DLC1: variants seen among roughly 807,000 people sequenced by gnomAD.
DLC1 encodes rho GTPase-activating protein 7.
Under a neutral mutation model 140.3 loss-of-function variants are expected in DLC1, and 54 were observed. That is an observed-to-expected ratio of 0.38 (90% CI 0.31 to 0.48). The LOEUF (loss-of-function observed/expected upper bound fraction) is 0.48. Among genes scored for constraint, DLC1 ranks in the 20% least tolerant of loss-of-function variants. The pLI is 0.96. For synonymous variants in DLC1, 986 were observed against 728.1 expected (o/e 1.35, Z -5.70); for missense variants, 2,536 against 1,907.0 (o/e 1.33, Z -6.14).
At chr8:13,202,732 G>T (rs1014746141) in intron 5 of DLC1, among the ~76,000 whole-genome samples, 3 of 151,788 alleles carry the variant, frequency 2.0e-5, no homozygotes. Flanking sequence ...GGAGTGCAGG[G>T]GTGCTATTAC....
chr8:13,499,321 T>C lies in DLC1; in HGVS notation c.751A>G (p.Asn251Asp). 14 of 1,614,114 alleles carry C rather than the reference T, an allele frequency of 8.7e-6. No individual in the cohort carries two copies. The highest frequency in any genetic ancestry group is 1.2e-5 in the Non-Finnish European group (14 of 1,180,018). Residue 251 changes from asparagine (N) to aspartate (D), a missense_variant, in exon 2 of 18, where the codon AAT becomes GAT. Asn to Asp is a conservative substitution (Grantham distance 23). Transcript: ENST00000276297. Reference sequence around the variant, plus strand: ...TCCAAGAACTCATTTTGTACTACATTGCAGGTGCTTCTTTCATTTTCATCT... The same window carrying C: ...TCCAAGAACTCATTTTGTACTACATCGCAGGTGCTTCTTTCATTTTCATCT... The part of the protein sequence containing the change: ...PKDENERSTC[N>D]VVQNEFLDTP...
At chr8:13,267,762 G>T (rs1298529956) in intron 5 of DLC1, among the ~76,000 whole-genome samples, 1 of 151,148 alleles carries the variant, frequency 6.6e-6, no homozygotes, top group Non-Finnish European at 1.5e-5. Context: ...GTGTGTGTGT[G>T]TGTGTGTGTG....
chr8:13,413,034 C>T (rs991521339), intron 2 of DLC1, among the ~76,000 whole-genome samples: 1 of 151,832 alleles, frequency 6.6e-6, no homozygotes, highest in African/African-American at 2.4e-5. Flanking sequence ...AGCCCCCACT[C>T]AGCACTTTAG....
chr8:13,244,496 G>T (rs1004817170), intron 5 of DLC1, among the ~76,000 whole-genome samples: 3 of 151,866 alleles, frequency 2.0e-5, no homozygotes, highest in East Asian at 1.9e-4. Context: ...ATGGGGTCTT[G>T]TTATGTTGCA....
At chr8:13,452,602 A>G (rs1432997786) in intron 2 of DLC1, among the ~76,000 whole-genome samples, 1 of 152,136 alleles carries the variant, frequency 6.6e-6, no homozygotes, top group East Asian at 1.9e-4. Context: ...TTCTGACTTG[A>G]GCTCCTTCAG....
chr8:13,251,141 C>G (rs920647478), intron 5 of DLC1, among the ~76,000 whole-genome samples: 1 of 152,206 alleles, frequency 6.6e-6, no homozygotes, highest in Non-Finnish European at 1.5e-5. Context: ...CACTCTCCTA[C>G]TGGCTCTTTC....
chr8:13,249,559 T>G (rs1829914247), intron 5 of DLC1, among the ~76,000 whole-genome samples: 1 of 152,210 alleles, frequency 6.6e-6, no homozygotes, highest in Non-Finnish European at 1.5e-5. Flanking sequence ...CACTTGTGCC[T>G]TTCACACAGT....
chr8:13,266,627 C>T (rs1279148894), intron 5 of DLC1, among the ~76,000 whole-genome samples: 1 of 152,040 alleles, frequency 6.6e-6, no homozygotes, highest in Non-Finnish European at 1.5e-5. Flanking sequence ...TGCCTGTAGT[C>T]CCAGCTACTC....
At chr8:13,108,509 T>C (rs1819783753) in intron 7 of DLC1, among the ~76,000 whole-genome samples, 1 of 152,222 alleles carries the variant, frequency 6.6e-6, no homozygotes, top group Non-Finnish European at 1.5e-5. Flanking sequence ...TCAGAGCCAG[T>C]GTAAATTGCA....
intron 1 of DLC1, chr8:13,567,316 A>G: frequency 6.4e-7 from 1 of 1,551,738 alleles, no homozygotes; most frequent in East Asian, 2.4e-5. Flanking sequence ...CAAACTTCCA[A>G]CAGAAATCAC....
At chr8:13,183,119 C>G (rs946128244) in intron 5 of DLC1, among the ~76,000 whole-genome samples, 1 of 151,552 alleles carries the variant, frequency 6.6e-6, no homozygotes, top group Non-Finnish European at 1.5e-5. Flanking sequence ...GGCTCTCTGT[C>G]TGTTATTGGT....
intron 2 of DLC1, among the ~76,000 whole-genome samples, chr8:13,413,023 C>G (rs1404306235): frequency 6.6e-6 from 1 of 151,552 alleles, no homozygotes; most frequent in Non-Finnish European, 1.5e-5. Context: ...GGTTGCCTAT[C>G]AGCCCCCACT....
intron 5 of DLC1, among the ~76,000 whole-genome samples, chr8:13,302,904 T>A (rs1485825409): frequency 6.6e-6 from 1 of 152,194 alleles, no homozygotes; most frequent in East Asian, 1.9e-4. Flanking sequence ...ACACTCAAAA[T>A]ATTTTTAATG....
At chr8:13,568,046 C>G in intron 1 of DLC1, 1 of 1,311,326 alleles carries the variant, frequency 7.6e-7, no homozygotes, top group South Asian at 1.6e-5. Context: ...GCTTCCTTCA[C>G]AGATTTGAGG....
intron 5 of DLC1, among the ~76,000 whole-genome samples, chr8:13,195,301 T>A (rs1826984779): frequency 6.6e-6 from 1 of 152,102 alleles, no homozygotes; most frequent in Admixed American, 6.6e-5. Flanking sequence ...TGTCAGCAAT[T>A]GGAGATGGCA....
At chr8:13,458,762 C>T (rs1413416221) in intron 2 of DLC1, among the ~76,000 whole-genome samples, 1 of 152,026 alleles carries the variant, frequency 6.6e-6, no homozygotes, top group African/African-American at 2.4e-5. Flanking sequence ...ACTGTCACTA[C>T]TGTCCTACCT....
chr8:13,397,399 G>C (rs1308820729), intron 3 of DLC1, among the ~76,000 whole-genome samples: 1 of 152,164 alleles, frequency 6.6e-6, no homozygotes, highest in East Asian at 1.9e-4. Flanking sequence ...CCAGAAGCCA[G>C]GAGAGCAGTG....
chr8:13,601,670 AACG>A (rs1257222506), intron 1 of DLC1, among the ~76,000 whole-genome samples: 2 of 151,588 alleles, frequency 1.3e-5, no homozygotes, highest in Non-Finnish European at 3.0e-5. Flanking sequence ...ACAAAACAAC[AACG>A]ACAACAAAAA....
rs562732758 is a variant in DLC1, at chr8:13,149,426, T to G, written c.1349-33769A>C. Reference sequence around the variant, plus strand: ...GTCTGTGTCTTTCCCTCGGACAAACTATTTAACTCAACATCTTTTGTTGCT... The same window carrying G: ...GTCTGTGTCTTTCCCTCGGACAAACGATTTAACTCAACATCTTTTGTTGCT... On this transcript the variant is annotated intron_variant, in intron 5 of 17. Transcript: ENST00000276297. Among the ~76,000 whole-genome samples, 96 of 152,336 alleles carry G rather than the reference T, an allele frequency of 6.3e-4. 1 individual carries two copies. Among genetic ancestry groups the G allele is most frequent in the African/African-American group, 2.3e-3 (94 of 41,584 alleles).
Sources: allele counts gnomAD v4.1 joint callset (sites outside exome capture counted in the v4.1 genomes callset), GRCh38; gene constraint gnomAD v4.1.1; transcripts MANE v1.5; gene names NCBI Gene and HGNC (gene_info 2026-07-23, HGNC 2026-07-21).